Variants in GLT1D1 observed in about 807,000 individuals in gnomAD.
GLT1D1 encodes the protein glycosyltransferase 1 domain containing 1, also known as glycosyltransferase 1 domain-containing protein 1.
A neutral mutation model predicts 28.7 loss-of-function variants in GLT1D1; 21 were observed. The observed-to-expected ratio is 0.73, with a 90% CI of 0.52 to 1.05. GLT1D1 has a LOEUF of 1.05. Ranked by LOEUF, GLT1D1 falls within the 50% of genes least tolerant of loss-of-function variation. GLT1D1 has a pLI of 0.00. For synonymous variants in GLT1D1, 147 were observed against 124.8 expected, an observed-to-expected ratio of 1.18 and a Z score of -1.19; for missense variants, 343 against 330.6, an observed-to-expected ratio of 1.04 and a Z score of -0.29.
At position 128,960,525 on chromosome 12, in the gene GLT1D1, A is replaced by G. The variant is rs556978260; in HGVS notation, c.639+2882A>G. Among the ~76,000 whole-genome samples, 40 of 152,224 alleles carry G rather than the reference A, an allele frequency of 2.6e-4. No homozygotes were observed. The South Asian group carries it at 7.9e-3, about 30-fold the overall frequency. On this transcript the variant is annotated intron_variant, in intron 7 of 7. Coordinates refer to ENST00000281703, the MANE Select transcript of GLT1D1 (RefSeq NM_144669.3). ...GTAATCCCAGTACTTTGGGAAGCTGAGGTGGGTGGATTGCCAGAGGTTAGG... is the reference window on the plus strand; with the variant it reads ...GTAATCCCAGTACTTTGGGAAGCTGGGGTGGGTGGATTGCCAGAGGTTAGG...
At chr12:128,946,855 G>A (rs1206816190) in intron 5 of GLT1D1, among the ~76,000 whole-genome samples, 5 of 150,884 alleles carry the variant, frequency 3.3e-5, no homozygotes, top group Non-Finnish European at 5.9e-5. Context: ...CGCCATGTTC[G>A]CCAGGCTGGT....
At chr12:128,867,286 A>G (rs1956557626) in intron 1 of GLT1D1, among the ~76,000 whole-genome samples, 1 of 151,120 alleles carries the variant, frequency 6.6e-6, no homozygotes, top group African/African-American at 2.4e-5. Flanking sequence ...CCAGGCATGT[A>G]CTCGGGAGGC....
At chr12:128,880,707 TG>T (rs1231743553) in intron 2 of GLT1D1, among the ~76,000 whole-genome samples, 1 of 152,186 alleles carries the variant, frequency 6.6e-6, no homozygotes, top group East Asian at 1.9e-4. Flanking sequence ...TTGATTAAAC[TG>T]TATTTAAAAA....
chr12:128,896,361 TAA>T (rs1036438931), intron 3 of GLT1D1, among the ~76,000 whole-genome samples: 1 of 151,596 alleles, frequency 6.6e-6, no homozygotes, highest in African/African-American at 2.4e-5. Flanking sequence ...TCTTTCTAAC[TAA>T]AAAAAATGGC....
intron 7 of GLT1D1, among the ~76,000 whole-genome samples, chr12:128,979,469 A>G (rs191188168): frequency 5.3e-5 from 8 of 152,278 alleles, no homozygotes; most frequent in Admixed American, 3.9e-4. Context: ...GGCCACCCTC[A>G]GCTCTTAGAA....
intron 4 of GLT1D1, among the ~76,000 whole-genome samples, chr12:128,939,235 C>CACTTAATCTCAGATGTGT (rs1274268251): frequency 1.3e-5 from 2 of 152,058 alleles, no homozygotes; most frequent in Non-Finnish European, 2.9e-5. Flanking sequence ...GTGGCAGTGT[C>CACTTAATCTCAGATGTGT]ACTTAATCTC....
chr12:128,978,634 C>T lies in GLT1D1; in HGVS notation c.640-4295C>T, dbSNP rs558349601. On this transcript the variant is annotated intron_variant, in intron 7 of 7. Transcript: ENST00000281703. ...GGGAAAGGGGTCCCGATCCAGACCC[C>T]AAGAGAGGGTTCTTGGATCTGTCGC... 4.6e-5 allele frequency among the ~76,000 whole-genome samples: 7 copies of T among 152,188 alleles called. No homozygotes were observed. In the South Asian group the frequency reaches 1.5e-3, roughly 32 times the overall value.
chr12:128,958,748 C>CAAAAAAAA (rs71072431), intron 7 of GLT1D1, among the ~76,000 whole-genome samples: 2 of 42,666 alleles, frequency 4.7e-5, no homozygotes, highest in African/African-American at 1.1e-4. Context: ...GACTCTGCCT[C>CAAAAAAAA]AAAAAAAAAA....
In GLT1D1 at chr12:128,982,945, C is replaced by T. The variant is rs1880481070; in HGVS notation, c.656C>T (p.Ala219Val). ...TTTTTGCAGGAGTTTGTTCATCTGG[C>T]AAAGAGACTGGTTAGTGATCCTGCA... The change falls in exon 8 of 8, where the codon GCA (alanine) becomes GTA (valine). Residue 219 changes from alanine to valine, a missense_variant. By Grantham distance (64) the Ala-to-Val change is moderately conservative (BLOSUM62 0). Transcript: ENST00000281703. 1 of 1,613,966 alleles carries T rather than the reference C, an allele frequency of 6.2e-7. No individual in the cohort carries two copies. Among genetic ancestry groups the T allele is most frequent in the East Asian group, 2.2e-5 (1 of 44,884 alleles).
intron 1 of GLT1D1, among the ~76,000 whole-genome samples, chr12:128,863,667 C>T (rs985920922): frequency 3.3e-5 from 5 of 152,146 alleles, no homozygotes; most frequent in South Asian, 2.1e-4. Context: ...CGTGAGCCAC[C>T]GCACCTGGCC....
Position 128,899,292 on chromosome 12 carries a change from G to A in GLT1D1, c.375+5G>A. The A allele has an allele frequency of 6.2e-7, 1 of 1,611,634 alleles. No individual in the cohort carries two copies. The highest frequency in any genetic ancestry group is 8.5e-7 in the Non-Finnish European group (1 of 1,177,988). Reference sequence around the variant, plus strand: ...GAAATGGCACAAGCGCAGTGGGTATGTGTTTATCTGGTGTTGTTATTTTGG... The same window carrying A: ...GAAATGGCACAAGCGCAGTGGGTATATGTTTATCTGGTGTTGTTATTTTGG... On this transcript the variant is annotated splice_donor_5th_base_variant and intron_variant, in intron 4 of 7. Transcript: ENST00000281703.
intron 4 of GLT1D1, among the ~76,000 whole-genome samples, chr12:128,939,773 C>T (rs1481687324): frequency 6.6e-6 from 1 of 151,376 alleles, no homozygotes; most frequent in Non-Finnish European, 1.5e-5. Flanking sequence ...CACATTTAAA[C>T]AGCCAAATCT....
intron 2 of GLT1D1, among the ~76,000 whole-genome samples, chr12:128,885,193 A>C (rs1025964454): frequency 9.2e-5 from 14 of 152,152 alleles, no homozygotes; most frequent in African/African-American, 3.4e-4. Flanking sequence ...GGACTTCCAG[A>C]ATTTTTCAAT....
At chr12:128,976,168 A>C (rs1242753153) in intron 7 of GLT1D1, among the ~76,000 whole-genome samples, 1 of 152,234 alleles carries the variant, frequency 6.6e-6, no homozygotes, top group Non-Finnish European at 1.5e-5. Flanking sequence ...AGTTTTCAAC[A>C]AAATAAATCT....
chr12:128,916,932 G>T (rs1054052562), intron 4 of GLT1D1, among the ~76,000 whole-genome samples: 1 of 152,132 alleles, frequency 6.6e-6, no homozygotes. Flanking sequence ...GGGTCACAAA[G>T]ATGTTTTTCT....
At chr12:128,952,690 G>T in intron 6 of GLT1D1, among the ~76,000 whole-genome samples, 1 of 146,110 alleles carries the variant, frequency 6.8e-6, no homozygotes, top group Non-Finnish European at 1.5e-5. Flanking sequence ...GGTCAGTCTG[G>T]TCTTGAACTC....
In GLT1D1 at chr12:128,921,843, T is replaced by C. The variant is rs558688571; in HGVS notation, c.375+22556T>C. Among the ~76,000 whole-genome samples the C allele has an allele frequency of 2.6e-4, 40 of 152,190 alleles. No homozygotes were observed. The South Asian group carries it at 7.9e-3, about 30-fold the overall frequency. ...AGAGTCTCTTCATCTTGACGTCACC[T>C]GCGTTCTTCACACAGTGCTTTCAAT... On this transcript the variant is annotated intron_variant, in intron 4 of 7. Transcript: ENST00000281703.
intron 1 of GLT1D1, among the ~76,000 whole-genome samples, chr12:128,862,502 A>G (rs1044775395): frequency 1.3e-5 from 2 of 151,782 alleles, no homozygotes; most frequent in African/African-American, 4.8e-5. Flanking sequence ...CAAAACATAC[A>G]CCAATTAGCT....
intron 7 of GLT1D1, among the ~76,000 whole-genome samples, chr12:128,959,451 C>CGGGGGGGGGGGGGGGGGGGGGGGGGGGGG (rs1877698020): frequency 5.9e-5 from 1 of 16,828 alleles, no homozygotes; most frequent in Non-Finnish European, 1.3e-4. Flanking sequence ...GGGTGGGGAA[C>CGGGGGGGGGGGGGGGGGGGGGGGGGGGGG]GGCGGGTGGT....
Sources: allele counts gnomAD v4.1 joint callset (sites outside exome capture counted in the v4.1 genomes callset), GRCh38; gene constraint gnomAD v4.1.1; transcripts MANE v1.5; gene names NCBI Gene and HGNC (gene_info 2026-07-23, HGNC 2026-07-21).